Variants in CACNB2 observed in about 807,000 individuals in gnomAD.
CACNB2 encodes calcium voltage-gated channel auxiliary subunit beta 2.
Under a neutral mutation model 73.3 loss-of-function variants are expected in CACNB2, and 42 were observed. The ratio of observed to expected loss-of-function variants is 0.57; its 90% confidence interval spans 0.45 to 0.74. The LOEUF (loss-of-function observed/expected upper bound fraction) is 0.74, where lower values mean the gene tolerates loss of function less well. Among genes scored for constraint, CACNB2 ranks in the 30% least tolerant of loss-of-function variants. The pLI, the probability that CACNB2 is intolerant of heterozygous loss-of-function variation, is 0.00. For synonymous variants in CACNB2, 348 were observed against 310.3 expected, an observed-to-expected ratio of 1.12 and a Z score of -1.28; for missense variants, 940 against 853.0, an observed-to-expected ratio of 1.10 and a Z score of -1.27.
intron 2 of CACNB2, among the ~76,000 whole-genome samples, chr10:18,244,888 G>C (rs1397035782): frequency 6.6e-6 from 1 of 152,226 alleles, no homozygotes; most frequent in African/African-American, 2.4e-5. Flanking sequence ...GTTCTTTTGA[G>C]TAGAAGAGAC....
At chr10:18,532,531 G>A (rs543770460) in intron 10 of CACNB2, among the ~76,000 whole-genome samples, 1 of 151,576 alleles carries the variant, frequency 6.6e-6, no homozygotes, top group East Asian at 1.9e-4. Context: ...AACATTAGCT[G>A]GGCCTGGTGG....
intron 3 of CACNB2, among the ~76,000 whole-genome samples, chr10:18,443,716 C>CTT (rs11412050): frequency 0.015 from 2,060 of 135,770 alleles, 63 homozygotes; most frequent in African/African-American, 0.049. Flanking sequence ...TCCTACATAC[C>CTT]TTTTTTTTTT....
intron 2 of CACNB2, among the ~76,000 whole-genome samples, chr10:18,327,917 T>C (rs1331791719): frequency 1.3e-5 from 2 of 152,056 alleles, no homozygotes; most frequent in African/African-American, 4.8e-5. Context: ...AGGGGAAGTT[T>C]TGTCAAATGC....
chr10:18,326,995 C>G (rs1290739060), intron 2 of CACNB2, among the ~76,000 whole-genome samples: 1 of 152,134 alleles, frequency 6.6e-6, no homozygotes, highest in Admixed American at 6.5e-5. Flanking sequence ...TCCCAAAGTG[C>G]TGGGATTACA....
chr10:18,314,908 G>A (rs1424431214), intron 2 of CACNB2, among the ~76,000 whole-genome samples: 1 of 152,096 alleles, frequency 6.6e-6, no homozygotes, highest in Non-Finnish European at 1.5e-5. Context: ...AAAACTCATG[G>A]GAAGGACAAT....
rs551824885 is a variant in CACNB2 at position 18,225,187 on chromosome 10, G to C, written c.213+74212G>C. Among the ~76,000 whole-genome samples, 15 of 152,018 alleles carry C rather than the reference G, an allele frequency of 9.9e-5. No homozygotes were observed. In the South Asian group the frequency reaches 2.9e-3, roughly 30 times the overall value. ...TATTTTTCCATGTTCTGTTGAGCTG[G>C]GAGGAGTCGGCAGAACCTTTTTAAT... is the stretch of plus-strand genomic sequence containing the variant. On this transcript the variant is annotated intron_variant, in intron 2 of 13. Coordinates refer to ENST00000324631, the MANE Select transcript of CACNB2 (RefSeq NM_201596.3).
intron 3 of CACNB2, among the ~76,000 whole-genome samples, chr10:18,479,094 CAG>C (rs1564596493): frequency 2.0e-5 from 3 of 152,052 alleles, no homozygotes; most frequent in Admixed American, 6.6e-5. Context: ...CAAATTTTGA[CAG>C]AGTTTAACTC....
intron 2 of CACNB2, among the ~76,000 whole-genome samples, chr10:18,159,365 A>G (rs2032289482): frequency 6.6e-6 from 1 of 152,158 alleles, no homozygotes; most frequent in Non-Finnish European, 1.5e-5. Flanking sequence ...GGAATCCACA[A>G]CTGTTTTTGG....
intron 2 of CACNB2, among the ~76,000 whole-genome samples, chr10:18,220,258 GAGAGAGAGAGAGAGAGAA>G (rs2131390605): frequency 8.0e-6 from 1 of 124,814 alleles, no homozygotes; most frequent in Non-Finnish European, 1.6e-5. Flanking sequence ...GAGAGAGAGA[GAGAGAGAGAGAGAGAGAA>G]AGAGAGAGAA....
intron 2 of CACNB2, among the ~76,000 whole-genome samples, chr10:18,304,586 G>A (rs145906092): frequency 1.1e-3 from 172 of 152,108 alleles, no homozygotes; most frequent in African/African-American, 4.0e-3. Context: ...TGGTTGCCTG[G>A]CAACCAGGCT....
At chr10:18,457,383 C>G (rs541522333) in intron 3 of CACNB2, among the ~76,000 whole-genome samples, 1 of 152,126 alleles carries the variant, frequency 6.6e-6, no homozygotes, top group Non-Finnish European at 1.5e-5. Context: ...AGCCACCACA[C>G]TTGGCCCTCC....
At position 18,480,149 on chromosome 10, in the gene CACNB2, C is replaced by A. The variant is rs576943438; in HGVS notation, c.334-18206C>A. 2.6e-4 allele frequency among the ~76,000 whole-genome samples: 40 copies of A among 152,282 alleles called. 1 individual carries two copies. Among genetic ancestry groups the A allele is most frequent in the African/African-American group, 9.1e-4 (38 of 41,562 alleles). On this transcript the variant is annotated intron_variant, in intron 3 of 13. Coordinates refer to ENST00000324631, the MANE Select transcript of CACNB2 (RefSeq NM_201596.3). Reference sequence around the variant, plus strand: ...ATTTTCAAATGAGAGAAACAATCCTCAAATATATGTTCATTTTTTTCCAAG... The same window carrying A: ...ATTTTCAAATGAGAGAAACAATCCTAAAATATATGTTCATTTTTTTCCAAG...
At chr10:18,288,910 C>T (rs1370823635) in intron 2 of CACNB2, among the ~76,000 whole-genome samples, 1 of 152,046 alleles carries the variant, frequency 6.6e-6, no homozygotes, top group South Asian at 2.1e-4. Context: ...CCGGGCATGG[C>T]AGCACATGCC....
chr10:18,181,095 A>G (rs1275467523), intron 2 of CACNB2, among the ~76,000 whole-genome samples: 10 of 150,312 alleles, frequency 6.7e-5, no homozygotes, highest in Non-Finnish European at 1.3e-4. Flanking sequence ...GGTCAAGCAT[A>G]TCTTGAGAGG....
At chr10:18,400,175 G>A (rs1196608621) in intron 2 of CACNB2, among the ~76,000 whole-genome samples, 1 of 152,164 alleles carries the variant, frequency 6.6e-6, no homozygotes, top group African/African-American at 2.4e-5. Context: ...CATCTTGTTT[G>A]GAAAGTCACA....
At chr10:18,221,097 A>G (rs1045838361) in intron 2 of CACNB2, among the ~76,000 whole-genome samples, 1 of 152,118 alleles carries the variant, frequency 6.6e-6, no homozygotes, top group African/African-American at 2.4e-5. Flanking sequence ...AAGAGGGAGG[A>G]GAGAAGGGCA....
intron 3 of CACNB2, among the ~76,000 whole-genome samples, chr10:18,440,834 G>C (rs1461321702): frequency 6.6e-6 from 1 of 152,188 alleles, no homozygotes; most frequent in Non-Finnish European, 1.5e-5. Context: ...GGAAAGAGAG[G>C]CAGGTCAAAG....
At chr10:18,521,537 T>C (rs1027682269) in intron 9 of CACNB2, among the ~76,000 whole-genome samples, 4 of 152,218 alleles carry the variant, frequency 2.6e-5, no homozygotes, top group African/African-American at 9.6e-5. Context: ...CCGGTCACTA[T>C]TCAACTTGCC....
chr10:18,189,371 T>G (rs1407882443), intron 2 of CACNB2, among the ~76,000 whole-genome samples: 3 of 152,192 alleles, frequency 2.0e-5, no homozygotes, highest in African/African-American at 7.2e-5. Context: ...ATCCACAATC[T>G]CCCAGATATT....
Sources: gnomAD v4.1 joint callset for allele counts (sites outside exome capture counted in the v4.1 genomes callset) on GRCh38, gnomAD v4.1.1 for gene constraint, MANE v1.5 for transcripts, NCBI Gene and HGNC (gene_info 2026-07-23, HGNC 2026-07-21) for gene names.